Variants in LMLN observed in about 807,000 individuals in gnomAD.
The protein encoded by LMLN is leishmanolysin-like peptidase.
A neutral mutation model predicts 92.3 loss-of-function variants in LMLN; 70 were observed. The ratio of observed to expected loss-of-function variants is 0.76; its 90% CI spans 0.63 to 0.92. The LOEUF is 0.92. Ranked by LOEUF, LMLN falls within the 40% of genes least tolerant of loss-of-function variation. The pLI, the probability that LMLN is intolerant of heterozygous loss-of-function variation, is 0.00. For synonymous variants in LMLN, 308 were observed against 296.2 expected, an observed-to-expected ratio of 1.04 and a Z score of -0.41; for missense variants, 691 against 814.6, an observed-to-expected ratio of 0.85 and a Z score of 1.85.
chr3:197,974,734 A>T (rs1393411694), intron 2 of LMLN, among the ~76,000 whole-genome samples: 1 of 152,236 alleles, frequency 6.6e-6, no homozygotes, highest in Non-Finnish European at 1.5e-5. Context: ...ACAAATGTGG[A>T]TCTACTTGGA....
At position 198,024,642 on chromosome 3, in the gene LMLN, T is replaced by C. The variant is rs747823215; in HGVS notation, c.1526-16T>C. ...CAAAAGTCAATTTTTAAGGAGACTTTTCTTCTTTGCCTCAGAAATTTTTAA... is the reference window on the plus strand; with the variant it reads ...CAAAAGTCAATTTTTAAGGAGACTTCTCTTCTTTGCCTCAGAAATTTTTAA... On this transcript the variant is annotated splice_polypyrimidine_tract_variant and intron_variant, in intron 13 of 15. Transcript: ENST00000330198. 5 of 1,550,828 alleles carry C rather than the reference T, an allele frequency of 3.2e-6. No individual in the cohort carries two copies. The highest frequency in any genetic ancestry group is 4.3e-6 in the Non-Finnish European group (5 of 1,154,220).
chr3:198,015,815 C>A (rs536362596), intron 11 of LMLN, among the ~76,000 whole-genome samples: 2 of 152,258 alleles, frequency 1.3e-5, no homozygotes, highest in Non-Finnish European at 2.9e-5. Flanking sequence ...TTTAGTTGTA[C>A]TTAGAAGGGG....
intron 11 of LMLN, among the ~76,000 whole-genome samples, chr3:198,012,907 T>C (rs1722492703): frequency 8.2e-6 from 1 of 121,896 alleles, no homozygotes; most frequent in African/African-American, 4.2e-5. Flanking sequence ...GACTTCTCTG[T>C]ACCCTTCAGA....
chr3:197,965,097 C>T (rs1450938012), intron 1 of LMLN, among the ~76,000 whole-genome samples: 2 of 152,090 alleles, frequency 1.3e-5, no homozygotes, highest in African/African-American at 4.8e-5. Flanking sequence ...TCACTGCCAC[C>T]TCGAACTCCT....
At chr3:197,982,727 A>T (rs965165250) in intron 6 of LMLN, among the ~76,000 whole-genome samples, 1 of 152,386 alleles carries the variant, frequency 6.6e-6, no homozygotes, top group Non-Finnish European at 1.5e-5. Flanking sequence ...AAGTATGATA[A>T]ATACTTCATA....
At chr3:197,964,221 A>C (rs1720983934) in intron 1 of LMLN, among the ~76,000 whole-genome samples, 1 of 151,882 alleles carries the variant, frequency 6.6e-6, no homozygotes, top group Admixed American at 6.6e-5. Context: ...CTTATTGTGG[A>C]TTTAGTTTGC....
At chr3:198,035,616 C>T (rs933605463) in intron 14 of LMLN, among the ~76,000 whole-genome samples, 4 of 152,090 alleles carry the variant, frequency 2.6e-5, no homozygotes, top group African/African-American at 4.8e-5. Context: ...CCGCCTCAGC[C>T]TCCCAAAGAG....
chr3:197,961,634 A>G (rs1340120359), intron 1 of LMLN, among the ~76,000 whole-genome samples: 1 of 152,206 alleles, frequency 6.6e-6, no homozygotes, highest in East Asian at 1.9e-4. Flanking sequence ...GAGTATATAA[A>G]TACCCTGTCG....
chr3:197,996,497 A>T (rs1722021692), intron 10 of LMLN: 1 of 322,352 alleles, frequency 3.1e-6, no homozygotes, highest in Non-Finnish European at 5.6e-6. Context: ...ACACACGCTG[A>T]ATTGTCTATT....
At chr3:197,966,648 T>A (rs549467849) in intron 1 of LMLN, among the ~76,000 whole-genome samples, 1 of 140,172 alleles carries the variant, frequency 7.1e-6, no homozygotes, top group East Asian at 1.9e-4. Context: ...TCTGTTGATA[T>A]TATGAGTTAC....
chr3:197,977,346 A>G (rs1307216237), intron 5 of LMLN, among the ~76,000 whole-genome samples: 1 of 152,250 alleles, frequency 6.6e-6, no homozygotes, highest in Non-Finnish European at 1.5e-5. Flanking sequence ...CAATAAAAAA[A>G]TGATCAAACA....
At chr3:197,970,723 A>G (rs75442709) in intron 1 of LMLN, among the ~76,000 whole-genome samples, 2,112 of 152,336 alleles carry the variant, frequency 0.014, 16 homozygotes, top group Non-Finnish European at 0.017. Flanking sequence ...GAAGTTTTAA[A>G]TTACACTTCT....
At chr3:198,035,632 T>A (rs1389186188) in intron 14 of LMLN, among the ~76,000 whole-genome samples, 2 of 152,030 alleles carry the variant, frequency 1.3e-5, no homozygotes, top group African/African-American at 4.8e-5. Flanking sequence ...AAGAGTGGGA[T>A]TACAGGTGTG....
chr3:197,983,271 A>G (rs1361137543), intron 6 of LMLN, among the ~76,000 whole-genome samples: 1 of 152,202 alleles, frequency 6.6e-6, no homozygotes, highest in Non-Finnish European at 1.5e-5. Flanking sequence ...GGGGTTCCTC[A>G]GCATTGTTCA....
intron 1 of LMLN, among the ~76,000 whole-genome samples, chr3:197,962,982 T>TA (rs1720947725): frequency 6.6e-6 from 1 of 152,134 alleles, no homozygotes; most frequent in Non-Finnish European, 1.5e-5. Flanking sequence ...ATATAAATTT[T>TA]AGAGTCAGCT....
At chr3:198,009,826 A>G (rs1722386302) in intron 11 of LMLN, among the ~76,000 whole-genome samples, 1 of 151,934 alleles carries the variant, frequency 6.6e-6, no homozygotes, top group Admixed American at 6.6e-5. Context: ...TTAATTTGTA[A>G]TTTTTGTTGG....
intron 7 of LMLN, among the ~76,000 whole-genome samples, chr3:197,984,417 A>G (rs374695817): frequency 6.6e-6 from 1 of 152,072 alleles, no homozygotes; most frequent in Non-Finnish European, 1.5e-5. Flanking sequence ...TTAAAATTCT[A>G]AGATTGAAAA....
At chr3:197,966,541 A>G (rs1453062403) in intron 1 of LMLN, among the ~76,000 whole-genome samples, 1 of 151,300 alleles carries the variant, frequency 6.6e-6, no homozygotes, top group Non-Finnish European at 1.5e-5. Context: ...CTAGTTTTCT[A>G]AGAGTTTTTT....
chr3:198,015,777 T>C (rs1260931847), intron 11 of LMLN, among the ~76,000 whole-genome samples: 1 of 152,050 alleles, frequency 6.6e-6, no homozygotes, highest in East Asian at 1.9e-4. Flanking sequence ...AGTCTTCTTT[T>C]GTTTCTTTAA....
Sources: gnomAD v4.1 joint callset for allele counts (sites outside exome capture counted in the v4.1 genomes callset) on GRCh38, gnomAD v4.1.1 for gene constraint, MANE v1.5 for transcripts, NCBI Gene and HGNC (gene_info 2026-07-23, HGNC 2026-07-21) for gene names.